The following EDA variants were observed in gnomAD, a reference collection of about 807,000 sequenced individuals.
EDA encodes ectodysplasin-A.
EDA carries 2 observed loss-of-function variants against 23.6 expected under a neutral mutation model. The observed-to-expected ratio is 0.08, with a 90% CI of 0.03 to 0.27. The LOEUF (loss-of-function observed/expected upper bound fraction) is 0.27, where lower values mean the gene tolerates loss of function less well. Ranked by LOEUF, EDA falls within the 10% of genes least tolerant of loss-of-function variation. EDA has a pLI of 1.00. For missense variants in EDA, 229 were observed against 324.2 expected (o/e 0.71, Z 2.26); for synonymous variants, 131 against 132.0 (o/e 0.99, Z 0.05).
At chrX:69,743,965 A>T (rs940814342) in intron 1 of EDA, among the ~76,000 whole-genome samples, 2 of 111,880 alleles carry the variant, frequency 1.8e-5, no homozygotes, top group African/African-American at 6.5e-5. Flanking sequence ...TTCTTTTGGT[A>T]TTACAAGATA....
In EDA at chrX:69,849,080, TATACACACACACAC is replaced by T. The variant is rs1369655786; in HGVS notation, c.397-107945_397-107932del. Among the ~76,000 whole-genome samples, 497 of 84,719 alleles carry T rather than the reference TATACACACACACAC, an allele frequency of 5.9e-3. 4 individuals are homozygous for T. Among genetic ancestry groups the T allele is most frequent in the African/African-American group, 0.023 (447 of 19,319 alleles). The allele number at this position is 84,719 out of a possible 115,157, so 73.6% of individuals were successfully genotyped here. A position where few individuals can be genotyped will look rare whatever the true frequency, so the allele number is the denominator to read the frequency against. On this transcript the variant is annotated intron_variant, in intron 1 of 7. Coordinates refer to ENST00000374552, the MANE Select transcript of EDA (RefSeq NM_001399.5). ...TTTAATATAATGCACACAAAGTCTA[TATACACACACACAC>T]ACACACACACACACACACACACACA...
intron 1 of EDA, among the ~76,000 whole-genome samples, chrX:69,696,761 G>A (rs1017393456): frequency 8.0e-5 from 9 of 112,025 alleles, no homozygotes; most frequent in African/African-American, 1.9e-4. Flanking sequence ...TCTAGAACAC[G>A]TGCTTCTTCA....
chrX:69,879,579 A>C (rs2017711068), intron 1 of EDA, among the ~76,000 whole-genome samples: 1 of 112,153 alleles, frequency 8.9e-6, no homozygotes, highest in Non-Finnish European at 1.9e-5. Context: ...TGCTGCCTCT[A>C]TAATGGAAAT....
At chrX:69,838,491 G>A (rs924714342) in intron 1 of EDA, among the ~76,000 whole-genome samples, 1 of 111,888 alleles carries the variant, frequency 8.9e-6, no homozygotes, top group Non-Finnish European at 1.9e-5. Flanking sequence ...GCCGGGCGTG[G>A]TGGCAGGCGC....
chrX:69,906,624 T>C (rs1314752742), intron 1 of EDA, among the ~76,000 whole-genome samples: 1 of 111,541 alleles, frequency 9.0e-6, no homozygotes, highest in African/African-American at 3.3e-5. Context: ...TTTGTATTGT[T>C]CCCTCCTGAG....
intron 1 of EDA, among the ~76,000 whole-genome samples, chrX:69,803,752 C>G (rs1345114816): frequency 9.1e-6 from 1 of 110,425 alleles, no homozygotes; most frequent in Non-Finnish European, 1.9e-5. Context: ...AATACTAGAA[C>G]TTATTCTCCT....
At chrX:69,690,864 G>A (rs1934692632) in intron 1 of EDA, among the ~76,000 whole-genome samples, 1 of 111,366 alleles carries the variant, frequency 9.0e-6, no homozygotes. Flanking sequence ...GGTAGTTTTT[G>A]TTTTTCTAGG....
At chrX:70,019,382 A>C (rs777352083) in intron 2 of EDA, among the ~76,000 whole-genome samples, 1 of 111,999 alleles carries the variant, frequency 8.9e-6, no homozygotes, top group Non-Finnish European at 1.9e-5. Flanking sequence ...TACCATAAAG[A>C]CACATGCACA....
chrX:69,716,432 C>A (rs1335517277), intron 1 of EDA, among the ~76,000 whole-genome samples: 1 of 110,643 alleles, frequency 9.0e-6, no homozygotes, highest in Non-Finnish European at 1.9e-5. Flanking sequence ...ATCTATGCAT[C>A]TGTTTTGTTC....
chrX:70,015,179 G>A (rs750027119), intron 2 of EDA, among the ~76,000 whole-genome samples: 3 of 111,965 alleles, frequency 2.7e-5, no homozygotes, highest in African/African-American at 9.7e-5. Flanking sequence ...GAAGGGGCAG[G>A]CTACCTACAA....
rs1225999943 is a variant in EDA at position 69,999,470 on chromosome X, G to C, written c.503-23748G>C. Among the ~76,000 whole-genome samples the C allele has an allele frequency of 8.2e-5, 9 of 109,791 alleles. No individual in the cohort carries two copies. In the Admixed American group the frequency reaches 8.7e-4, roughly 11 times the overall value. On this transcript the variant is annotated intron_variant, in intron 2 of 7. Transcript: ENST00000374552. ...TCTACTAAAAATACAAAAAAAATTA[G>C]CTGGGCACAGTGGCAGGTGCCTGTA...
chrX:69,695,800 C>T (rs1421075309), intron 1 of EDA, among the ~76,000 whole-genome samples: 10 of 110,022 alleles, frequency 9.1e-5, no homozygotes, highest in East Asian at 2.9e-4. Flanking sequence ...AGCCACTGCA[C>T]CCAGCCTCAG....
intron 2 of EDA, among the ~76,000 whole-genome samples, chrX:70,002,402 AATTT>A (rs2019752751): frequency 9.0e-6 from 1 of 110,716 alleles, no homozygotes; most frequent in Non-Finnish European, 1.9e-5. Context: ...CAATGGGTGT[AATTT>A]ATTTAGACTT....
At chrX:69,887,637 T>C (rs972897132) in intron 1 of EDA, among the ~76,000 whole-genome samples, 1 of 112,101 alleles carries the variant, frequency 8.9e-6, no homozygotes, top group African/African-American at 3.2e-5. Context: ...AGGTACATTA[T>C]ATTCAAATTG....
intron 1 of EDA, among the ~76,000 whole-genome samples, chrX:69,700,738 A>G (rs1279749706): frequency 1.8e-5 from 2 of 111,187 alleles, no homozygotes; most frequent in Admixed American, 9.6e-5. Flanking sequence ...AAGGTGTGGA[A>G]GTATCCCAAA....
At chrX:69,791,960 T>G (rs2147472593) in intron 1 of EDA, among the ~76,000 whole-genome samples, 1 of 112,243 alleles carries the variant, frequency 8.9e-6, no homozygotes, top group African/African-American at 3.2e-5. Context: ...ATTTTAAAAA[T>G]TTTTCTTTTT....
chrX:69,892,475 A>G (rs751396265), intron 1 of EDA, among the ~76,000 whole-genome samples: 21 of 111,299 alleles, frequency 1.9e-4, no homozygotes, highest in African/African-American at 6.5e-4. Context: ...TGTCACACTT[A>G]TGCTGTGACC....
At chrX:69,789,309 G>C (rs930488442) in intron 1 of EDA, among the ~76,000 whole-genome samples, 20 of 112,237 alleles carry the variant, frequency 1.8e-4, no homozygotes, top group Non-Finnish European at 3.8e-4. Flanking sequence ...GGCCATCTTG[G>C]CTCCTCCCCA....
At chrX:69,822,913 T>A (rs1200154818) in intron 1 of EDA, among the ~76,000 whole-genome samples, 1 of 94,917 alleles carries the variant, frequency 1.1e-5, no homozygotes, top group African/African-American at 4.0e-5. Flanking sequence ...GTTCTCATTG[T>A]TCAATTCCCA....
Sources: gnomAD v4.1 joint callset for allele counts (sites outside exome capture counted in the v4.1 genomes callset) on GRCh38, gnomAD v4.1.1 for gene constraint, MANE v1.5 for transcripts, NCBI Gene and HGNC (gene_info 2026-07-23, HGNC 2026-07-21) for gene names.